The following EML5 variants were observed in gnomAD, a reference collection of about 807,000 sequenced individuals.
The protein encoded by EML5 is EMAP like 5, also known as echinoderm microtubule-associated protein-like 5.
Under a neutral mutation model 250.0 loss-of-function variants are expected in EML5, and 120 were observed. The observed-to-expected ratio is 0.48, with a 90% CI of 0.41 to 0.56. The LOEUF (loss-of-function observed/expected upper bound fraction) is 0.56. Among genes scored for constraint, EML5 ranks in the 20% least tolerant of loss-of-function variants. The pLI is 0.00. For missense variants in EML5, 2,006 were observed against 2,437.6 expected (o/e 0.82, Z 3.73); for synonymous variants, 771 against 806.5 (o/e 0.96, Z 0.75).
intron 6 of EML5, among the ~76,000 whole-genome samples, chr14:88,736,798 A>G (rs10131820): frequency 0.11 from 16,891 of 152,024 alleles, 1,038 homozygotes; most frequent in African/African-American, 0.14. Context: ...CCTTTCACTT[A>G]CTTTACACAT....
At chr14:88,791,480 A>G (rs2094607651) in intron 1 of EML5, among the ~76,000 whole-genome samples, 1 of 152,238 alleles carries the variant, frequency 6.6e-6, no homozygotes, top group Non-Finnish European at 1.5e-5. Flanking sequence ...TAAAAGTTGT[A>G]CTAAGACACT....
chr14:88,792,805 C>T lies in EML5; in HGVS notation c.-302G>A. On this transcript the variant is annotated 5_prime_UTR_variant, in exon 1 of 44. Transcript: ENST00000554922. The surrounding 1 kb of genome is among the most constrained non-coding windows in gnomAD (Gnocchi z 6.9). The stretch of plus-strand genomic sequence containing the variant: ...GTCTCCTCAGCCCGTAGCGCCTGGG[C>T]CGAGAGCGAGGGCCCGCCTCCAGCT... 1 of 973,806 alleles carries T rather than the reference C, an allele frequency of 1.0e-6. No individual in the cohort carries two copies. Among genetic ancestry groups the T allele is most frequent in the Non-Finnish European group, 1.2e-6 (1 of 814,492 alleles). The allele number at this position is 973,806 out of a possible 1,614,324, so 60.3% of individuals were successfully genotyped here.
At position 88,763,303 on chromosome 14, in the gene EML5, T is replaced by C. The variant is rs554658295; in HGVS notation, c.198-8632A>G. On this transcript the variant is annotated intron_variant, in intron 1 of 43. Coordinates refer to ENST00000554922, the MANE Select transcript of EML5 (RefSeq NM_183387.3). ...AGAGAGAAGAATCAAATAGACACAA[T>C]AAAAAATGATAAAGAGGATATCACC... Among the ~76,000 whole-genome samples, 54 of 151,332 alleles carry C rather than the reference T, an allele frequency of 3.6e-4. No individual in the cohort carries two copies. The South Asian group carries it at 0.01, about 28-fold the overall frequency.
Position 88,727,262 on chromosome 14 carries a change from G to A in EML5, c.1050-584C>T, listed in dbSNP as rs149748832. Among the ~76,000 whole-genome samples the A allele has an allele frequency of 1.9e-3, 282 of 152,172 alleles. 1 individual carries two copies. Among genetic ancestry groups the A allele is most frequent in the African/African-American group, 6.5e-3 (269 of 41,524 alleles). On this transcript the variant is annotated intron_variant, in intron 7 of 43. Transcript: ENST00000554922. Reference sequence around the variant, plus strand: ...AATAATAATGTCACCATATGGTAATGCACATAGCGGTCAAAATTCTGTCAA... The same window carrying A: ...AATAATAATGTCACCATATGGTAATACACATAGCGGTCAAAATTCTGTCAA...
rs117011791 is a variant in EML5, at chr14:88,717,861, T to A, written c.1188-2666A>T. ...TACTGCAGATGATGGTTTCTCAGACTTCAGAAAAAAGTGAGCTTCTTTAAA... is the reference window on the plus strand; with the variant it reads ...TACTGCAGATGATGGTTTCTCAGACATCAGAAAAAAGTGAGCTTCTTTAAA... On this transcript the variant is annotated intron_variant, in intron 8 of 43. Transcript: ENST00000554922. Among the ~76,000 whole-genome samples the A allele has an allele frequency of 3.9e-3, 594 of 152,296 alleles. 4 individuals are homozygous for A. Among genetic ancestry groups the A allele is most frequent in the Admixed American group, 9.3e-3 (142 of 15,296 alleles).
intron 1 of EML5, among the ~76,000 whole-genome samples, chr14:88,781,319 T>A (rs896262606): frequency 2.0e-5 from 3 of 152,212 alleles, no homozygotes; most frequent in African/African-American, 7.2e-5. Context: ...CTTTCACAGT[T>A]CTTCACACTT....
At chr14:88,756,222 T>C (rs190930061) in intron 1 of EML5, among the ~76,000 whole-genome samples, 489 of 152,228 alleles carry the variant, frequency 3.2e-3, no homozygotes, top group South Asian at 5.4e-3. Context: ...TCAACAAATA[T>C]GGCATATTAA....
chr14:88,655,323 A>G (rs186714851), intron 27 of EML5, among the ~76,000 whole-genome samples: 7 of 152,278 alleles, frequency 4.6e-5, no homozygotes, highest in Admixed American at 1.3e-4. Context: ...GAATAATGCC[A>G]CATATCTACA....
rs543500457 is a variant in EML5 at position 88,774,865 on chromosome 14, T to A, written c.197+17442A>T. 2.0e-5 allele frequency among the ~76,000 whole-genome samples: 3 copies of A among 152,360 alleles called. 1 individual carries two copies. Among genetic ancestry groups the A allele is most frequent in the African/African-American group, 7.2e-5 (3 of 41,580 alleles). On this transcript the variant is annotated intron_variant, in intron 1 of 43. Coordinates refer to ENST00000554922, the MANE Select transcript of EML5 (RefSeq NM_183387.3). ...ATTGCTTCCCTGAATTATAGACATG[T>A]ATGTTCAACAGCCTAATTTAAAACC...
intron 39 of EML5, 113 bp from the exon 40 acceptor site, chr14:88,618,925 A>G: frequency 9.5e-7 from 1 of 1,052,738 alleles, no homozygotes; most frequent in Non-Finnish European, 1.3e-6. Context: ...AAGGCCTCAA[A>G]TAGATTTACC....
At chr14:88,764,055 T>C (rs1471831390) in intron 1 of EML5, among the ~76,000 whole-genome samples, 1 of 152,248 alleles carries the variant, frequency 6.6e-6, no homozygotes, top group African/African-American at 2.4e-5. Context: ...AATTTTTAAA[T>C]GTTGAACCAG....
intron 1 of EML5, among the ~76,000 whole-genome samples, chr14:88,762,903 T>G (rs2094266439): frequency 6.6e-6 from 1 of 152,214 alleles, no homozygotes; most frequent in Non-Finnish European, 1.5e-5. Flanking sequence ...AACCTGCTCC[T>G]GAGTGACTAC....
chr14:88,717,067 G>A (rs1433933933), intron 8 of EML5, among the ~76,000 whole-genome samples: 1 of 152,192 alleles, frequency 6.6e-6, no homozygotes, highest in African/African-American at 2.4e-5. Context: ...GTACAGAGTT[G>A]ATCAGAGCAT....
In EML5 at chr14:88,792,127, G is replaced by C. The variant is rs769306538; in HGVS notation, c.197+180C>G. On this transcript the variant is annotated intron_variant, in intron 1 of 43. Coordinates refer to ENST00000554922, the MANE Select transcript of EML5 (RefSeq NM_183387.3). This position sits in a 1 kb window ranked among gnomAD's most constrained non-coding sequence, Gnocchi z 6.9. ...ACCCGAGAGAGAGTCCCTAGACGAG[G>C]AAGAGGGGAAAGGCATTTGTAGGGT... 6.6e-6 allele frequency among the ~76,000 whole-genome samples: 1 copy of C among 152,214 alleles called. No individual in the cohort carries two copies. Among genetic ancestry groups the C allele is most frequent in the Non-Finnish European group, 1.5e-5 (1 of 68,046 alleles).
intron 19 of EML5, 143 bp downstream of exon 19, chr14:88,687,073 A>AG (rs748479495): frequency 9.6e-6 from 6 of 627,436 alleles, no homozygotes; most frequent in Non-Finnish European, 1.7e-5. Flanking sequence ...TCTGGTATCC[A>AG]GTTAAGTGAT....
chr14:88,693,400 A>G (rs2093003026), intron 17 of EML5, among the ~76,000 whole-genome samples: 1 of 152,198 alleles, frequency 6.6e-6, no homozygotes, highest in African/African-American at 2.4e-5. Flanking sequence ...AAAATTGCTT[A>G]TGCAGGGGAA....
intron 8 of EML5, among the ~76,000 whole-genome samples, 191 bp from the exon 9 acceptor site, chr14:88,715,386 G>A (rs1199791907): frequency 6.6e-6 from 1 of 152,080 alleles, no homozygotes; most frequent in Non-Finnish European, 1.5e-5. Flanking sequence ...AACAATATAT[G>A]CCAGATGTAC....
chr14:88,777,318 C>G (rs1404371408), intron 1 of EML5, among the ~76,000 whole-genome samples: 1 of 152,008 alleles, frequency 6.6e-6, no homozygotes, highest in Non-Finnish European at 1.5e-5. Flanking sequence ...AAAAATTTAC[C>G]CTAGAATAGT....
intron 1 of EML5, among the ~76,000 whole-genome samples, chr14:88,770,150 G>C (rs1353448374): frequency 1.3e-5 from 2 of 152,038 alleles, no homozygotes; most frequent in Non-Finnish European, 2.9e-5. Flanking sequence ...TGCAGTTTTG[G>C]TATTCTCTGT....
Sources: allele counts gnomAD v4.1 joint callset (sites outside exome capture counted in the v4.1 genomes callset), GRCh38; gene constraint gnomAD v4.1.1; non-coding constraint Gnocchi (gnomAD v3.1); transcripts MANE v1.5; gene names NCBI Gene and HGNC (gene_info 2026-07-23, HGNC 2026-07-21).